FARP1: variants seen among roughly 807,000 people sequenced by gnomAD.
The protein encoded by FARP1 is FERM, ARH/RhoGEF and pleckstrin domain protein 1.
FARP1 carries 52 observed loss-of-function variants against 128.8 expected under a neutral mutation model. That is an observed-to-expected ratio of 0.40 (90% CI 0.32 to 0.51). The LOEUF is 0.51. Among genes scored for constraint, FARP1 ranks in the 20% least tolerant of loss-of-function variants. FARP1 has a pLI of 0.45. For missense variants in FARP1, 1,333 were observed against 1,367.9 expected (o/e 0.97, Z 0.40); for synonymous variants, 580 against 551.8 (o/e 1.05, Z -0.72).
chr13:98,339,767 T>A (rs1478536322), intron 2 of FARP1, among the ~76,000 whole-genome samples: 2 of 149,302 alleles, frequency 1.3e-5, no homozygotes, highest in Admixed American at 6.6e-5. Context: ...TAAAATAATT[T>A]TAACAGTTTT....
chr13:98,327,757 T>C (rs1314491327), intron 2 of FARP1, among the ~76,000 whole-genome samples: 2 of 152,136 alleles, frequency 1.3e-5, no homozygotes, highest in African/African-American at 4.8e-5. Flanking sequence ...ATGAGACAGT[T>C]TGTAAATTTG....
chr13:98,170,435 C>T (rs1227858940), intron 1 of FARP1, among the ~76,000 whole-genome samples: 1 of 152,204 alleles, frequency 6.6e-6, no homozygotes, highest in African/African-American at 2.4e-5. Flanking sequence ...CGGCTCACTG[C>T]AGCCTCCACC....
intron 2 of FARP1, among the ~76,000 whole-genome samples, chr13:98,342,656 C>T (rs139263376): frequency 1.5e-3 from 226 of 152,060 alleles, no homozygotes; most frequent in African/African-American, 5.0e-3. Context: ...GCTGAGATCG[C>T]GCCATTGCAC....
chr13:98,406,350 C>G (rs1453250814), intron 13 of FARP1: 3 of 152,202 alleles, frequency 2.0e-5, no homozygotes. Context: ...ACAGATGCAG[C>G]TCAAATTAGC....
chr13:98,423,336 C>T (rs1891660836), intron 16 of FARP1, among the ~76,000 whole-genome samples: 1 of 151,752 alleles, frequency 6.6e-6, no homozygotes, highest in South Asian at 2.1e-4. Flanking sequence ...ATCCCGGGTC[C>T]CTCCTGACTT....
At chr13:98,218,143 C>T (rs1459227447) in intron 2 of FARP1, among the ~76,000 whole-genome samples, 1 of 151,600 alleles carries the variant, frequency 6.6e-6, no homozygotes, top group Non-Finnish European at 1.5e-5. Context: ...CACATCCTCG[C>T]CCCACATCCT....
chr13:98,274,128 C>T (rs546229068), intron 2 of FARP1, among the ~76,000 whole-genome samples: 49 of 152,198 alleles, frequency 3.2e-4, no homozygotes, highest in African/African-American at 1.1e-3. Flanking sequence ...TTGCTTTTCT[C>T]GTCATACTTT....
intron 1 of FARP1, among the ~76,000 whole-genome samples, chr13:98,206,155 T>C (rs1294951464): frequency 6.7e-6 from 1 of 149,562 alleles, no homozygotes; most frequent in African/African-American, 2.5e-5. Flanking sequence ...TCCATACTAA[T>C]AGGAATTTTC....
At chr13:98,425,120 G>C (rs1469955623) in intron 17 of FARP1, among the ~76,000 whole-genome samples, 1 of 151,674 alleles carries the variant, frequency 6.6e-6, no homozygotes, top group African/African-American at 2.4e-5. Context: ...TTTAGCGAAA[G>C]CATTTTTAGT....
At chr13:98,266,718 C>T (rs536375311) in intron 2 of FARP1, among the ~76,000 whole-genome samples, 248 of 152,158 alleles carry the variant, frequency 1.6e-3, no homozygotes, top group African/African-American at 5.8e-3. Flanking sequence ...AAATTCTACA[C>T]GGATGGCATG....
chr13:98,437,416 T>C (rs372258297), intron 19 of FARP1, among the ~76,000 whole-genome samples: 46 of 151,396 alleles, frequency 3.0e-4, no homozygotes, highest in African/African-American at 1.0e-3. Context: ...AAGACAGTTA[T>C]AGATAAAGAA....
intron 1 of FARP1, among the ~76,000 whole-genome samples, chr13:98,185,425 A>G (rs1439486060): frequency 6.6e-6 from 1 of 152,050 alleles, no homozygotes; most frequent in Non-Finnish European, 1.5e-5. Context: ...TTTGTCCTAG[A>G]TCTTTATGTT....
rs73564665 is a variant in FARP1 at position 98,153,057 on chromosome 13, G to A, written c.-24+9565G>A. On this transcript the variant is annotated intron_variant, in intron 1 of 26. Coordinates refer to ENST00000319562, the MANE Select transcript of FARP1 (RefSeq NM_005766.4). ...CACATTTAATATTGTTAGGAACTTT[G>A]TGAGGAACTTATTAATCAGGGGTTT... Among the ~76,000 whole-genome samples, 361 of 151,868 alleles carry A rather than the reference G, an allele frequency of 2.4e-3. 3 individuals carry two copies. The highest frequency in any genetic ancestry group is 8.5e-3 in the African/African-American group (351 of 41,426).
At chr13:98,197,192 C>T (rs186495896) in intron 1 of FARP1, among the ~76,000 whole-genome samples, 3 of 152,162 alleles carry the variant, frequency 2.0e-5, no homozygotes, top group Admixed American at 6.5e-5. Context: ...GTTGGCCAGG[C>T]GTGGTGGCTC....
intron 6 of FARP1, among the ~76,000 whole-genome samples, chr13:98,379,515 G>A (rs1383599176): frequency 6.6e-6 from 1 of 151,896 alleles, no homozygotes; most frequent in Non-Finnish European, 1.5e-5. Flanking sequence ...TTTGGAACAT[G>A]AGAATAATAG....
chr13:98,437,162 A>G (rs760582603), intron 19 of FARP1, among the ~76,000 whole-genome samples: 93 of 152,240 alleles, frequency 6.1e-4, no homozygotes, highest in Non-Finnish European at 1.1e-3. Context: ...AGGTAGCCAT[A>G]GAATAGTGGC....
chr13:98,439,932 A>G, intron 21 of FARP1, 29 bp from the exon 22 acceptor site: 1 of 1,482,004 alleles, frequency 6.7e-7, no homozygotes, highest in South Asian at 1.3e-5. Context: ...CACGTGCCTC[A>G]TGGTGACGTT....
chr13:98,230,947 A>G (rs1566771296), intron 2 of FARP1, among the ~76,000 whole-genome samples: 1 of 152,230 alleles, frequency 6.6e-6, no homozygotes, highest in Non-Finnish European at 1.5e-5. Context: ...GCAAAGGCAC[A>G]TCTTACATGG....
At chr13:98,298,403 A>G (rs141216445) in intron 2 of FARP1, among the ~76,000 whole-genome samples, 21 of 152,338 alleles carry the variant, frequency 1.4e-4, no homozygotes, top group Middle Eastern at 3.4e-3. Flanking sequence ...GCTGTAACTT[A>G]CTAGCATAGA....
Sources: gnomAD v4.1 joint callset for allele counts (sites outside exome capture counted in the v4.1 genomes callset) on GRCh38, gnomAD v4.1.1 for gene constraint, MANE v1.5 for transcripts, NCBI Gene and HGNC (gene_info 2026-07-23, HGNC 2026-07-21) for gene names.